PFKFB3: variants seen among roughly 807,000 people sequenced by gnomAD.
The protein encoded by PFKFB3 is 6-phosphofructo-2-kinase/fructose-2,6-bisphosphatase 3.
In PFKFB3, 33 loss-of-function variants were observed where a neutral mutation model predicts 68.0. That is an observed-to-expected ratio of 0.49 (90% CI 0.37 to 0.65). The LOEUF is 0.65. PFKFB3 is among the 30% of genes least tolerant of loss of function. PFKFB3 has a pLI of 0.00. For synonymous variants in PFKFB3, 315 were observed against 288.2 expected (o/e 1.09, Z -0.94); for missense variants, 586 against 712.2 (o/e 0.82, Z 2.02).
rs754542260 is a variant in PFKFB3 at position 6,226,326 on chromosome 10, C to A, written c.1476C>A (p.Ser492Arg). ...CCTCCACCTCGGCCGCCCTGCCCAG[C>A]TGCCTGCCCCCGGAGGTGCCCACGC... ...HVASTSAALP[S>R]CLPPEVPTQL... Residue 492 changes from serine to arginine, a missense_variant, in exon 14 of 15, where the codon AGC becomes AGA. By Grantham distance (110) the Ser-to-Arg change is moderately radical. Transcript: ENST00000379775. 4 of 1,613,728 alleles carry A rather than the reference C, an allele frequency of 2.5e-6. No homozygotes were observed. The Admixed American group carries it at 6.7e-5, about 27-fold the overall frequency.
chr10:6,158,869 C>CAA (rs201959006), intron 1 of PFKFB3, among the ~76,000 whole-genome samples: 1,633 of 135,102 alleles, frequency 0.012, 65 homozygotes, highest in East Asian at 0.1. Context: ...GACTCCATCT[C>CAA]AAAAAAAAAA....
At chr10:6,158,770 G>T (rs571920499) in intron 1 of PFKFB3, among the ~76,000 whole-genome samples, 1 of 151,998 alleles carries the variant, frequency 6.6e-6, no homozygotes, top group African/African-American at 2.4e-5. Flanking sequence ...CAGAGACTGA[G>T]GCAAGAGAAT....
Position 6,226,345 on chromosome 10 carries a change from C to T in PFKFB3, c.1495C>T (p.Pro499Ser), listed in dbSNP as rs768786913. Reference sequence around the variant, plus strand: ...GCCCAGCTGCCTGCCCCCGGAGGTGCCCACGCAGCTGCCTGGACAAGTCAG... The same window carrying T: ...GCCCAGCTGCCTGCCCCCGGAGGTGTCCACGCAGCTGCCTGGACAAGTCAG... ...ALPSCLPPEV[P>S]TQLPGQNMKG... Residue 499 changes from proline (P) to serine (S), a missense_variant, in exon 14 of 15, where the codon CCC (proline) becomes TCC (serine). Transcript: ENST00000379775. 1.9e-6 allele frequency: 3 copies of T among 1,613,080 alleles called. No individual in the cohort carries two copies. The highest frequency in any genetic ancestry group is 1.1e-5 in the South Asian group (1 of 90,990).
chr10:6,178,740 G>A (rs1448021027), intron 1 of PFKFB3, among the ~76,000 whole-genome samples: 2 of 152,244 alleles, frequency 1.3e-5, no homozygotes, highest in Admixed American at 6.5e-5. Context: ...CCACCCCATC[G>A]TGTGCAGCAC....
chr10:6,201,197 C>G (rs1379817934), upstream of PFKFB3, among the ~76,000 whole-genome samples: 2 of 151,760 alleles, frequency 1.3e-5, no homozygotes, highest in Non-Finnish European at 2.9e-5. The surrounding 1 kb of genome is among the most constrained non-coding windows in gnomAD (Gnocchi z 4.1). Flanking sequence ...GGCGCGGGCG[C>G]TCGCTGCCTG....
chr10:6,287,569 C>A, the PFKFB3 span, among the ~76,000 whole-genome samples: 2 of 152,102 alleles, frequency 1.3e-5, no homozygotes, highest in African/African-American at 4.8e-5. Flanking sequence ...GTAGGCTATA[C>A]TATCTAGGTT....
chr10:6,245,672 C>CAT, intron 14 of PFKFB3: 1 of 152,010 alleles, frequency 6.6e-6, no homozygotes, highest in Non-Finnish European at 1.5e-5. Flanking sequence ...TCAAGTGATC[C>CAT]GCTCACCTCG....
rs1159104294 is a variant in PFKFB3, at chr10:6,229,850, C to T, written c.1516-3045C>T. Among the ~76,000 whole-genome samples, 5 of 152,158 alleles carry T rather than the reference C, an allele frequency of 3.3e-5. No homozygotes were observed. In the South Asian group the frequency reaches 8.3e-4, roughly 25 times the overall value. On this transcript the variant is annotated intron_variant, in intron 14 of 14. Transcript: ENST00000379775. This position sits in a 1 kb window ranked among gnomAD's most constrained non-coding sequence, Gnocchi z 4.3. ...GGGATAAAACTGTTCTGCCTCAGAT[C>T]GTCTGGCATTAGATTCTCTGAAGGG...
At chr10:6,312,798 G>A in the PFKFB3 span, among the ~76,000 whole-genome samples, 114 of 152,266 alleles carry the variant, frequency 7.5e-4, 1 homozygote, top group Non-Finnish European at 1.2e-3. Flanking sequence ...TTAGCTATAC[G>A]CCCTGGTTTC....
intron 1 of PFKFB3, among the ~76,000 whole-genome samples, chr10:6,203,740 C>T (rs931712529): frequency 1.3e-5 from 2 of 152,198 alleles, no homozygotes; most frequent in Non-Finnish European, 2.9e-5. Flanking sequence ...GATCTCCTCT[C>T]TCTGCATGTT....
At chr10:6,166,132 C>A (rs753783527) in intron 1 of PFKFB3, among the ~76,000 whole-genome samples, 1 of 152,128 alleles carries the variant, frequency 6.6e-6, no homozygotes, top group Non-Finnish European at 1.5e-5. Flanking sequence ...GGTGCCCCGC[C>A]ACCACGCCCA....
chr10:6,311,618 G>A, the PFKFB3 span, among the ~76,000 whole-genome samples: 19 of 152,088 alleles, frequency 1.2e-4, no homozygotes, highest in South Asian at 2.1e-4. Flanking sequence ...GTGTGGTGGC[G>A]GGCGCCTGTA....
At chr10:6,197,291 C>G (rs958316730) in intron 1 of PFKFB3, among the ~76,000 whole-genome samples, 1 of 152,162 alleles carries the variant, frequency 6.6e-6, no homozygotes, top group Non-Finnish European at 1.5e-5. Flanking sequence ...AGTACATTTT[C>G]TATGTTTAGA....
intron 11 of PFKFB3, among the ~76,000 whole-genome samples, 172 bp downstream of exon 11, chr10:6,223,156 C>T (rs1261323364): frequency 1.3e-5 from 2 of 152,176 alleles, no homozygotes; most frequent in Non-Finnish European, 2.9e-5. Context: ...CTCTGTCCAG[C>T]GCTTCCTTGA....
intron 1 of PFKFB3, among the ~76,000 whole-genome samples, chr10:6,172,064 G>A (rs779986709): frequency 1.3e-5 from 2 of 152,192 alleles, no homozygotes; most frequent in African/African-American, 2.4e-5. Context: ...GAAAACCACC[G>A]GTGTCCGGGA....
intron 1 of PFKFB3, among the ~76,000 whole-genome samples, chr10:6,182,137 C>A (rs1238464424): frequency 6.6e-6 from 1 of 152,114 alleles, no homozygotes; most frequent in Non-Finnish European, 1.5e-5. Flanking sequence ...TGGCTTCTGG[C>A]CTCCTCAGTC....
chr10:6,233,967 G>A lies in PFKFB3; in HGVS notation c.*1025G>A, dbSNP rs755198570. On this transcript the variant is annotated 3_prime_UTR_variant, in exon 15 of 15. Transcript: ENST00000379775. ...ACTCGCAGCCACTTCTTCAAGAGCT[G>A]CCTGCACACTGTCTTGGAGCATCTG... 1.3e-5 allele frequency: 2 copies of A among 152,528 alleles called. No homozygotes were observed. The highest frequency in any genetic ancestry group is 2.1e-4 in the South Asian group (1 of 4,838). The allele number at this position is 152,528 out of a possible 1,614,324, so 9.4% of individuals were successfully genotyped here.
the PFKFB3 span, among the ~76,000 whole-genome samples, chr10:6,287,682 T>C: frequency 6.6e-6 from 1 of 152,184 alleles, no homozygotes; most frequent in Non-Finnish European, 1.5e-5. Flanking sequence ...CTGTACTTTA[T>C]AGCAGAGTAC....
intron 1 of PFKFB3, among the ~76,000 whole-genome samples, chr10:6,212,804 ACTC>A (rs1038053562): frequency 7.9e-5 from 12 of 151,778 alleles, no homozygotes; most frequent in African/African-American, 2.9e-4. Context: ...CTGGCTGTAA[ACTC>A]CTACTTTTAA....
Sources: allele counts gnomAD v4.1 joint callset (sites outside exome capture counted in the v4.1 genomes callset), GRCh38; gene constraint gnomAD v4.1.1; non-coding constraint Gnocchi (gnomAD v3.1); transcripts MANE v1.5; gene names NCBI Gene and HGNC (gene_info 2026-07-23, HGNC 2026-07-21).